Variants in SPDYE18 observed in about 807,000 individuals in gnomAD.
The protein encoded by SPDYE18 is speedy/RINGO cell cycle regulator family member E18.
Under a neutral mutation model 44.9 loss-of-function variants are expected in SPDYE18, and 6 were observed. That is an observed-to-expected ratio of 0.13 (90% CI 0.07 to 0.26). SPDYE18 has a LOEUF of 0.26. SPDYE18 is among the 10% of genes least tolerant of loss of function. The pLI, the probability that SPDYE18 is intolerant of heterozygous loss-of-function variation, is 1.00. For missense variants in SPDYE18, 121 were observed against 463.2 expected (o/e 0.26, Z 6.78); for synonymous variants, 35 against 177.1 (o/e 0.20, Z 6.37).
chr7:77,051,956 A>G (rs1267980331), intron 8 of SPDYE18, among the ~76,000 whole-genome samples, 77 bp from the exon 9 acceptor site: 1 of 146,790 alleles, frequency 6.8e-6, no homozygotes, highest in African/African-American at 2.5e-5. Flanking sequence ...TCCCATGTCA[A>G]GTCTAGAGTT....
intron 1 of SPDYE18, among the ~76,000 whole-genome samples, chr7:77,062,232 C>G (rs1790030256): frequency 1.4e-5 from 2 of 145,190 alleles, no homozygotes; most frequent in African/African-American, 2.5e-5. Context: ...AAAGAGGAAG[C>G]AGATCCCATT....
rs1789788203 is a variant in SPDYE18, at chr7:77,051,215, A to G, written c.*710T>C. Among the ~76,000 whole-genome samples, 1 of 152,284 alleles carries G rather than the reference A, an allele frequency of 6.6e-6. No homozygotes were observed. The highest frequency in any genetic ancestry group is 2.4e-5 in the African/African-American group (1 of 41,606). On this transcript the variant is annotated 3_prime_UTR_variant, in exon 9 of 9. Transcript: ENST00000510091. ...TCGCTTCAGGAGCACATATAATAAT[A>G]CAGAAACAAATTTAAAGATAATAAA...
At chr7:77,054,121 C>T (rs1789872428) in intron 6 of SPDYE18, among the ~76,000 whole-genome samples, 1 of 152,168 alleles carries the variant, frequency 6.6e-6, no homozygotes, top group Non-Finnish European at 1.5e-5. Context: ...TCCCAGTGTC[C>T]AGGATGTAAC....
chr7:77,057,227 A>G (rs1402740483), intron 4 of SPDYE18, among the ~76,000 whole-genome samples: 1 of 152,152 alleles, frequency 6.6e-6, no homozygotes, highest in Non-Finnish European at 1.5e-5. Context: ...AGTAGCTGGG[A>G]TTACATGCAT....
chr7:77,055,262 G>A lies in SPDYE18; in HGVS notation c.729C>T (p.Tyr243=), dbSNP rs1327750102. Residue 243 remains tyrosine (Y), a synonymous_variant, in exon 6 of 9, where the codon TAC becomes TAT. Coordinates refer to ENST00000510091, the MANE Select transcript of SPDYE18 (RefSeq NM_001394953.1). ...GAGCCAGGAAGAAATGAATGCGTTG[G>A]TATTGCCAGGAGGGGAGGCCGGCCC... is the stretch of plus-strand genomic sequence containing the variant. ...FSRAGLPSWQ[Y]QRIHFFLALY... 7.1e-7 allele frequency: 1 copy of A among 1,407,204 alleles called. No individual in the cohort carries two copies. The highest frequency in any genetic ancestry group is 1.4e-5 in the African/African-American group (1 of 71,118). The allele number at this position is 1,407,204 out of a possible 1,614,324, so 87.2% of individuals were successfully genotyped here. A position where few individuals can be genotyped will look rare whatever the true frequency, so the allele number is the denominator to read the frequency against.
chr7:77,061,973 C>G (rs1269428355), intron 1 of SPDYE18, among the ~76,000 whole-genome samples: 1 of 92,208 alleles, frequency 1.1e-5, no homozygotes, highest in African/African-American at 5.2e-5. Flanking sequence ...ACTAAAAATA[C>G]AAAAAATTAG....
rs2117308837 is a variant in SPDYE18, at chr7:77,051,343, GT to G, written c.*581del. On this transcript the variant is annotated 3_prime_UTR_variant, in exon 9 of 9. Transcript: ENST00000510091. Reference sequence around the variant, plus strand: ...CATCAAAAAACTACAGGAACAGCATGTTTTCAAAAGTACAACAATTTCCAAA... The same window carrying G: ...CATCAAAAAACTACAGGAACAGCATGTTTCAAAAGTACAACAATTTCCAAA... Among the ~76,000 whole-genome samples the G allele has an allele frequency of 6.6e-6, 1 of 152,388 alleles. No homozygotes were observed. The highest frequency in any genetic ancestry group is 1.9e-4 in the East Asian group (1 of 5,190).
chr7:77,058,825 C>A (rs566047088), intron 3 of SPDYE18, among the ~76,000 whole-genome samples: 843 of 152,022 alleles, frequency 5.5e-3, no homozygotes, highest in African/African-American at 0.019. Context: ...CAGGGTTTTG[C>A]TCTGTCACCC....
intron 8 of SPDYE18, among the ~76,000 whole-genome samples, 194 bp downstream of exon 8, chr7:77,052,539 A>T (rs1472758637): frequency 4.6e-5 from 7 of 152,216 alleles, no homozygotes; most frequent in Non-Finnish European, 8.8e-5. Flanking sequence ...GGCTCCAGCG[A>T]TCCTCCCGCC....
intron 2 of SPDYE18, among the ~76,000 whole-genome samples, chr7:77,060,144 C>T (rs1465855335): frequency 6.7e-6 from 1 of 150,042 alleles, no homozygotes; most frequent in Non-Finnish European, 1.5e-5. Context: ...TACAGGTGTG[C>T]ACCACTACCA....
chr7:77,058,135 TTTG>T (rs61672189), intron 3 of SPDYE18, among the ~76,000 whole-genome samples: 4 of 113,458 alleles, frequency 3.5e-5, no homozygotes, highest in African/African-American at 1.3e-4. Flanking sequence ...TTTTTTTTTT[TTTG>T]TTGTTGTTGT....
intron 4 of SPDYE18, 118 bp downstream of exon 4, chr7:77,057,519 C>G (rs1789945596): frequency 3.4e-6 from 2 of 589,764 alleles, no homozygotes; most frequent in Admixed American, 3.0e-5. Flanking sequence ...CACATTCCTC[C>G]CACATGGAGA....
rs1365977898 is a variant in SPDYE18 at position 77,050,956 on chromosome 7, C to A, written c.*969G>T. Among the ~76,000 whole-genome samples, 37 of 150,562 alleles carry A rather than the reference C, an allele frequency of 2.5e-4. No individual in the cohort carries two copies. Among genetic ancestry groups the A allele is most frequent in the African/African-American group, 8.7e-4 (36 of 41,300 alleles). ...TAAATAAAATAATACTTAAATAATT[C>A]TATACCCATGTTTTTCAAAATAAAC... On this transcript the variant is annotated 3_prime_UTR_variant, in exon 9 of 9. Transcript: ENST00000510091.
rs1397265849 is a variant in SPDYE18, at chr7:77,051,820, G to T, written c.*105C>A. ...GTTCCTCTCCTCTTTCCTGTTGTCT[G>T]CCATTAGCATTGGAATAAAGTTCCT... On this transcript the variant is annotated 3_prime_UTR_variant, in exon 9 of 9. Coordinates refer to ENST00000510091, the MANE Select transcript of SPDYE18 (RefSeq NM_001394953.1). Among the ~76,000 whole-genome samples, 3 of 151,844 alleles carry T rather than the reference G, an allele frequency of 2.0e-5. No homozygotes were observed. Among genetic ancestry groups the T allele is most frequent in the East Asian group, 1.9e-4 (1 of 5,188 alleles).
Position 77,060,864 on chromosome 7 carries a change from C to T in SPDYE18, c.-352G>A, listed in dbSNP as rs1454114418. The stretch of plus-strand genomic sequence containing the variant: ...TTCCCTGTCCCAGCAGAGGCTGTGT[C>T]CTCTCCACTCAAAGCCTGAAGCATG... On this transcript the variant is annotated 5_prime_UTR_variant, in exon 2 of 9. Transcript: ENST00000510091. Among the ~76,000 whole-genome samples the T allele has an allele frequency of 1.3e-5, 2 of 151,592 alleles. No individual in the cohort carries two copies. Among genetic ancestry groups the T allele is most frequent in the Non-Finnish European group, 2.9e-5 (2 of 67,962 alleles).
rs1276227903 is a variant in SPDYE18 at position 77,060,442 on chromosome 7, G to A, written c.71C>T (p.Pro24Leu). 1.2e-5 allele frequency: 19 copies of A among 1,535,318 alleles called. No individual in the cohort carries two copies. The African/African-American group carries it at 1.5e-4, about 12-fold the overall frequency. Residue 24 changes from proline (P) to leucine (L), a missense_variant, in exon 2 of 9, where the codon CCG becomes CTG. By Grantham distance (98) the Pro-to-Leu change is moderately conservative. Transcript: ENST00000510091. ...ITGKITTSRQPHPQNEQSLQR... is the reference protein window; with the variant it reads ...ITGKITTSRQLHPQNEQSLQR... ...GAGACTCTGCTCATTCTGGGGGTGC[G>A]GTTGACGGCTGGTCGTGATCTTTCC...
At chr7:77,060,248 C>A in intron 2 of SPDYE18, 105 bp downstream of exon 2, 1 of 1,499,044 alleles carries the variant, frequency 6.7e-7, no homozygotes, top group Non-Finnish European at 8.9e-7. Context: ...TCGCCCGCCT[C>A]GGCCTCCCAA....
At position 77,050,870 on chromosome 7, in the gene SPDYE18, AAAT is replaced by A. The variant is rs1230214229; in HGVS notation, c.*1052_*1054del. ...AATACCAGTATTTCCAAAATATTTA[AAAT>A]AATATTTAAAGTAATAATAATATTT... On this transcript the variant is annotated 3_prime_UTR_variant, in exon 9 of 9. Coordinates refer to ENST00000510091, the MANE Select transcript of SPDYE18 (RefSeq NM_001394953.1). 8.0e-5 allele frequency among the ~76,000 whole-genome samples: 12 copies of A among 149,826 alleles called. No homozygotes were observed. The highest frequency in any genetic ancestry group is 1.5e-4 in the Non-Finnish European group (10 of 67,492).
intron 3 of SPDYE18, among the ~76,000 whole-genome samples, 161 bp downstream of exon 3, chr7:77,059,019 A>C (rs1315990438): frequency 6.6e-6 from 1 of 151,402 alleles, no homozygotes; most frequent in Non-Finnish European, 1.5e-5. Context: ...GTCCTCTATC[A>C]TCTCCTAAGT....
Sources: allele counts gnomAD v4.1 joint callset (sites outside exome capture counted in the v4.1 genomes callset), GRCh38; gene constraint gnomAD v4.1.1; transcripts MANE v1.5; gene names NCBI Gene and HGNC (gene_info 2026-07-23, HGNC 2026-07-21).